The following SLC25A18 variants were observed in gnomAD, a reference collection of about 807,000 sequenced individuals.
SLC25A18 encodes mitochondrial glutamate carrier 2.
SLC25A18 carries 24 observed loss-of-function variants against 31.1 expected under a neutral mutation model. The observed-to-expected ratio is 0.77, with a 90% CI of 0.56 to 1.08. The LOEUF is 1.08. Ranked by LOEUF, SLC25A18 falls within the 50% of genes least tolerant of loss-of-function variation. The probability of loss-of-function intolerance (pLI) is 0.00; values close to 1 mark genes in which losing one functional copy is unlikely to be tolerated. For synonymous variants in SLC25A18, 173 were observed against 161.9 expected (o/e 1.07, Z -0.52); for missense variants, 371 against 418.5 (o/e 0.89, Z 0.99).
chr22:17,581,424 C>A lies in SLC25A18; in HGVS notation c.199+11C>A, dbSNP rs530751844. 1 of 1,614,012 alleles carries A rather than the reference C, an allele frequency of 6.2e-7. No individual in the cohort carries two copies. Among genetic ancestry groups the A allele is most frequent in the Non-Finnish European group, 8.5e-7 (1 of 1,179,982 alleles). ...TCGGCATGTACCGAGGTGGGCTTCT[C>A]AGGTCCCCTGGGAGGCTGGGCAGCA... On this transcript the variant is annotated intron_variant, in intron 5 of 10. Coordinates refer to ENST00000327451, the MANE Select transcript of SLC25A18 (RefSeq NM_031481.3).
intron 7 of SLC25A18, among the ~76,000 whole-genome samples, chr22:17,584,450 A>G (rs533683720): frequency 0.011 from 1,406 of 128,932 alleles, 21 homozygotes; most frequent in African/African-American, 0.044. Context: ...AAGGAAGGAG[A>G]GAGAGAGAGA....
At chr22:17,567,427 C>T (rs2056965969) in intron 1 of SLC25A18, among the ~76,000 whole-genome samples, 1 of 151,962 alleles carries the variant, frequency 6.6e-6, no homozygotes, top group South Asian at 2.1e-4. Context: ...GTCCCATTCC[C>T]CTTTTATGAA....
At chr22:17,571,449 CA>C (rs2057084447) in intron 2 of SLC25A18, among the ~76,000 whole-genome samples, 1 of 152,158 alleles carries the variant, frequency 6.6e-6, no homozygotes, top group African/African-American at 2.4e-5. Context: ...GTCTTGTTCA[CA>C]ATATGACCCT....
rs192632488 is a variant in SLC25A18 at position 17,572,525 on chromosome 22, G to A, written c.-201+2539G>A. ...GAATCACTTTTCCACTGGGTGTGGT[G>A]TCTCACGCCTGTAATCCCAGCACTT... On this transcript the variant is annotated intron_variant, in intron 2 of 10. Transcript: ENST00000327451. 2.0e-5 allele frequency among the ~76,000 whole-genome samples: 3 copies of A among 151,502 alleles called. No individual in the cohort carries two copies. The East Asian group carries it at 5.8e-4, about 29-fold the overall frequency.
chr22:17,572,844 T>C (rs1011069216), intron 2 of SLC25A18, among the ~76,000 whole-genome samples: 5 of 151,962 alleles, frequency 3.3e-5, no homozygotes, highest in Non-Finnish European at 4.4e-5. Flanking sequence ...GGTTTCACCG[T>C]GTTAGCCAGG....
intron 10 of SLC25A18, 80 bp from the exon 11 acceptor site, chr22:17,590,015 C>A: frequency 1.9e-6 from 3 of 1,571,308 alleles, no homozygotes; most frequent in Non-Finnish European, 1.7e-6. Flanking sequence ...ATGAGAGGTG[C>A]ACAAATGGAG....
At chr22:17,572,201 C>A (rs1290162488) in intron 2 of SLC25A18, among the ~76,000 whole-genome samples, 1 of 150,100 alleles carries the variant, frequency 6.7e-6, no homozygotes, top group Non-Finnish European at 1.5e-5. Context: ...AAAGGAGAAT[C>A]GGCTGGGCAC....
At position 17,581,422 on chromosome 22, in the gene SLC25A18, C is replaced by T. The variant is rs749094388; in HGVS notation, c.199+9C>T. 5.6e-6 allele frequency: 9 copies of T among 1,613,876 alleles called. No homozygotes were observed. Among genetic ancestry groups the T allele is most frequent in the African/African-American group, 4.0e-5 (3 of 74,902 alleles). On this transcript the variant is annotated intron_variant, in intron 5 of 10. Transcript: ENST00000327451. Reference sequence around the variant, plus strand: ...CTTCGGCATGTACCGAGGTGGGCTTCTCAGGTCCCCTGGGAGGCTGGGCAG... The same window carrying T: ...CTTCGGCATGTACCGAGGTGGGCTTTTCAGGTCCCCTGGGAGGCTGGGCAG...
At chr22:17,576,690 C>T (rs1277533210) in intron 2 of SLC25A18, among the ~76,000 whole-genome samples, 1 of 152,176 alleles carries the variant, frequency 6.6e-6, no homozygotes, top group Admixed American at 6.5e-5. Context: ...AAGTCATAGG[C>T]TTTGATTAGC....
At chr22:17,585,795 T>C (rs931162092) in intron 7 of SLC25A18, among the ~76,000 whole-genome samples, 90 of 151,810 alleles carry the variant, frequency 5.9e-4, no homozygotes, top group African/African-American at 2.1e-3. Context: ...ATTACAAGCA[T>C]GCACTACCAC....
intron 5 of SLC25A18, 105 bp downstream of exon 5, chr22:17,581,518 C>G: frequency 1.5e-6 from 2 of 1,293,956 alleles, no homozygotes; most frequent in Admixed American, 3.7e-5. Context: ...CCAGGGCTGC[C>G]AGGGGGTCCT....
intron 3 of SLC25A18, 149 bp downstream of exon 3, chr22:17,580,113 T>C: frequency 1.5e-6 from 1 of 645,750 alleles, no homozygotes. Context: ...ACACTACATC[T>C]ACTGTGGCAA....
chr22:17,572,433 C>T (rs371217281), intron 2 of SLC25A18, among the ~76,000 whole-genome samples: 7 of 147,442 alleles, frequency 4.7e-5, no homozygotes, highest in South Asian at 4.3e-4. Flanking sequence ...TGCAGTGAGC[C>T]GAGATCGTGC....
In SLC25A18 at chr22:17,583,396, C is replaced by T; in HGVS notation, c.291-20C>T. 6.2e-7 allele frequency: 1 copy of T among 1,613,590 alleles called. No individual in the cohort carries two copies. The highest frequency in any genetic ancestry group is 1.1e-5 in the South Asian group (1 of 91,074). On this transcript the variant is annotated intron_variant, in intron 6 of 10. Coordinates refer to ENST00000327451, the MANE Select transcript of SLC25A18 (RefSeq NM_031481.3). ...GGCCTGTGGCCTGCGGCTGAAGGAG[C>T]CTGACGCCTGTTCCCATAGGATGCA...
At chr22:17,584,399 AAAAGAAAG>A (rs1187381986) in intron 7 of SLC25A18, among the ~76,000 whole-genome samples, 1 of 110,688 alleles carries the variant, frequency 9.0e-6, no homozygotes, top group Non-Finnish European at 2.0e-5. Flanking sequence ...TCTCAAAAAG[AAAAGAAAG>A]AAAGAAAGAA....
rs12168772 is a variant in SLC25A18, at chr22:17,571,985, C to G, written c.-201+1999C>G. 9.1e-3 allele frequency among the ~76,000 whole-genome samples: 1,377 copies of G among 151,764 alleles called. 17 individuals carry two copies. Among genetic ancestry groups the G allele is most frequent in the African/African-American group, 0.031 (1,276 of 41,346 alleles). On this transcript the variant is annotated intron_variant, in intron 2 of 10. Transcript: ENST00000327451. ...TGAACCGAGATCATGCCCCTGCACT[C>G]TAGCCTGGGCAACAGAGCAAGACTC...
chr22:17,581,343 G>A lies in SLC25A18; in HGVS notation c.144-15G>A, dbSNP rs1239469530. The A allele has an allele frequency of 2.5e-6, 4 of 1,613,970 alleles. No homozygotes were observed. Among genetic ancestry groups the A allele is most frequent in the Non-Finnish European group, 3.4e-6 (4 of 1,179,972 alleles). On this transcript the variant is annotated splice_polypyrimidine_tract_variant and intron_variant, in intron 4 of 10. Coordinates refer to ENST00000327451, the MANE Select transcript of SLC25A18 (RefSeq NM_031481.3). ...CCCGCTGCACACTTACTCCTACTCT[G>A]GCCTCTGCTTCCAGGATCGACTGCC...
chr22:17,564,025 C>T (rs536613090), intron 1 of SLC25A18, among the ~76,000 whole-genome samples: 53 of 152,314 alleles, frequency 3.5e-4, no homozygotes, highest in African/African-American at 1.1e-3. Flanking sequence ...CTGGCTTCAT[C>T]GCTTGTTCTG....
chr22:17,577,711 G>A (rs2057267471), intron 2 of SLC25A18, among the ~76,000 whole-genome samples: 2 of 149,346 alleles, frequency 1.3e-5, no homozygotes, highest in African/African-American at 5.0e-5. Context: ...CTCCTGAGTA[G>A]CTGGGACTAC....
Sources: gnomAD v4.1 joint callset for allele counts (sites outside exome capture counted in the v4.1 genomes callset) on GRCh38, gnomAD v4.1.1 for gene constraint, MANE v1.5 for transcripts, NCBI Gene and HGNC (gene_info 2026-07-23, HGNC 2026-07-21) for gene names.